Variants in HEMK2 observed in about 807,000 individuals in gnomAD.
HEMK2 encodes methyltransferase HEMK2.
At chr21:28,596,309 C>T in the HEMK2 span, among the ~76,000 whole-genome samples, 19 of 152,230 alleles carry the variant, frequency 1.2e-4, no homozygotes, top group Admixed American at 3.3e-4. Flanking sequence ...TAAGCCACCG[C>T]GCCCAACCCA....
the HEMK2 span, among the ~76,000 whole-genome samples, chr21:28,831,554 A>AGAAG: frequency 1.2e-5 from 1 of 85,564 alleles, no homozygotes; most frequent in Non-Finnish European, 2.1e-5. Context: ...AAAGAAGGAA[A>AGAAG]GAAGGAAAGA....
the HEMK2 span, among the ~76,000 whole-genome samples, chr21:28,831,682 A>AGAAAGAAG: frequency 2.0e-4 from 4 of 20,332 alleles, no homozygotes; most frequent in Non-Finnish European, 4.0e-4. Flanking sequence ...AAAGAAAGAA[A>AGAAAGAAG]GAAGGAAGGA....
the HEMK2 span, among the ~76,000 whole-genome samples, chr21:28,754,349 C>A: frequency 6.6e-6 from 1 of 152,200 alleles, no homozygotes; most frequent in African/African-American, 2.4e-5. Context: ...CTGAACTTGG[C>A]GGAGCCTACC....
chr21:28,603,935 G>A, the HEMK2 span, among the ~76,000 whole-genome samples: 1 of 152,204 alleles, frequency 6.6e-6, no homozygotes, highest in African/African-American at 2.4e-5. Flanking sequence ...AGCCATGCAG[G>A]TGGCCTGCCT....
the HEMK2 span, among the ~76,000 whole-genome samples, chr21:28,835,080 G>C: frequency 5.8e-4 from 89 of 152,222 alleles, no homozygotes; most frequent in African/African-American, 2.1e-3. Flanking sequence ...GGAAGACAAA[G>C]GGCATATAAT....
At chr21:28,729,688 A>G in the HEMK2 span, among the ~76,000 whole-genome samples, 9 of 152,176 alleles carry the variant, frequency 5.9e-5, no homozygotes, top group South Asian at 4.1e-4. Context: ...AAAGTTTATA[A>G]ATTTGTTTTG....
the HEMK2 span, among the ~76,000 whole-genome samples, chr21:28,780,412 C>T: frequency 8.8e-4 from 99 of 112,374 alleles, 1 homozygote; most frequent in African/African-American, 4.9e-3. Flanking sequence ...CTCCTGACCT[C>T]ATGATCTGCC....
chr21:28,791,308 T>C, the HEMK2 span, among the ~76,000 whole-genome samples: 1 of 152,166 alleles, frequency 6.6e-6, no homozygotes, highest in African/African-American at 2.4e-5. Context: ...TGGAATAGTG[T>C]ACAGAAAGCT....
chr21:28,612,577 A>T, the HEMK2 span, among the ~76,000 whole-genome samples: 3 of 152,190 alleles, frequency 2.0e-5, no homozygotes, highest in South Asian at 6.2e-4. Context: ...CAGAAGTCCT[A>T]GCCAGAGCAA....
At chr21:28,802,966 T>C in the HEMK2 span, among the ~76,000 whole-genome samples, 1 of 152,292 alleles carries the variant, frequency 6.6e-6, no homozygotes, top group East Asian at 1.9e-4. Flanking sequence ...AATTAAAATA[T>C]GAGGTCTCTT....
At chr21:28,822,572 C>CATATATATATATATATATATATGCAT in the HEMK2 span, among the ~76,000 whole-genome samples, 1 of 147,634 alleles carries the variant, frequency 6.8e-6, no homozygotes, top group Non-Finnish European at 1.5e-5. Context: ...GGCTACAATG[C>CATATATATATATATATATATATGCAT]ATATATATAT....
chr21:28,695,823 C>A, the HEMK2 span, among the ~76,000 whole-genome samples: 1 of 151,824 alleles, frequency 6.6e-6, no homozygotes, highest in Non-Finnish European at 1.5e-5. Flanking sequence ...TAAAAGTCCA[C>A]AGTCCAAAGT....
chr21:28,858,979 C>T, the HEMK2 span, among the ~76,000 whole-genome samples: 1 of 152,152 alleles, frequency 6.6e-6, no homozygotes, highest in Admixed American at 6.5e-5. Context: ...CTCTGGGTTC[C>T]AATTCTTTAA....
chr21:28,762,966 G>A, the HEMK2 span, among the ~76,000 whole-genome samples: 2 of 152,152 alleles, frequency 1.3e-5, no homozygotes, highest in Non-Finnish European at 2.9e-5. Context: ...ACCAATTTCA[G>A]CTTAGGGGAA....
At chr21:28,606,313 G>A in the HEMK2 span, among the ~76,000 whole-genome samples, 64,622 of 152,034 alleles carry the variant, frequency 0.43, 16,621 homozygotes, top group African/African-American at 0.73. Flanking sequence ...ATTGTTCTCC[G>A]GAATATATCA....
the HEMK2 span, among the ~76,000 whole-genome samples, chr21:28,774,443 C>T: frequency 6.6e-6 from 1 of 152,034 alleles, no homozygotes; most frequent in Non-Finnish European, 1.5e-5. Flanking sequence ...TAAAAATTAG[C>T]CAGGTGTGGT....
the HEMK2 span, among the ~76,000 whole-genome samples, chr21:28,575,857 C>T: frequency 5.5e-4 from 84 of 152,124 alleles, no homozygotes; most frequent in Non-Finnish European, 9.6e-4. Context: ...GTATGTTCTC[C>T]GTGTTTATTC....
the HEMK2 span, among the ~76,000 whole-genome samples, chr21:28,718,101 C>CAGCAA: frequency 4.9e-3 from 750 of 152,196 alleles, 4 homozygotes; most frequent in African/African-American, 0.017. Context: ...TTGCTGCATC[C>CAGCAA]AGAGATTTTG....
chr21:28,856,378 G>A, the HEMK2 span, among the ~76,000 whole-genome samples: 6 of 151,346 alleles, frequency 4.0e-5, no homozygotes, highest in African/African-American at 9.7e-5. Context: ...TCGTGCCACT[G>A]CACTCCAGCC....
Sources: allele counts gnomAD v4.1 joint callset (sites outside exome capture counted in the v4.1 genomes callset), GRCh38; gene constraint gnomAD v4.1.1; transcripts MANE v1.5; gene names NCBI Gene and HGNC (gene_info 2026-07-23, HGNC 2026-07-21).